The following MICAL3 variants were observed in gnomAD, a reference collection of about 807,000 sequenced individuals.
MICAL3 encodes the protein microtubule associated monooxygenase, calponin and LIM domain containing 3.
MICAL3 carries 62 observed loss-of-function variants against 207.4 expected under a neutral mutation model. The ratio of observed to expected loss-of-function variants is 0.30; its 90% CI spans 0.24 to 0.37. The LOEUF (loss-of-function observed/expected upper bound fraction) is 0.37. Ranked by LOEUF, MICAL3 falls within the 10% of genes least tolerant of loss-of-function variation. The pLI is 1.00. For synonymous variants in MICAL3, 1,077 were observed against 1,069.3 expected, an observed-to-expected ratio of 1.01 and a Z score of -0.14; for missense variants, 2,368 against 2,635.6, an observed-to-expected ratio of 0.90 and a Z score of 2.22.
chr22:17,806,630 G>A (rs746543640), intron 29 of MICAL3, among the ~76,000 whole-genome samples: 1 of 152,178 alleles, frequency 6.6e-6, no homozygotes, highest in African/African-American at 2.4e-5. Flanking sequence ...GCTGGATGCC[G>A]GGGCTTGGTC....
At chr22:17,907,445 G>C (rs1931819926) in intron 1 of MICAL3, among the ~76,000 whole-genome samples, 1 of 152,204 alleles carries the variant, frequency 6.6e-6, no homozygotes, top group African/African-American at 2.4e-5. Flanking sequence ...AGCACTCCTT[G>C]GTGCCAGTGG....
rs141442675 is a variant in MICAL3 at position 17,951,356 on chromosome 22, G to A, written c.-74-44470C>T. The stretch of plus-strand genomic sequence containing the variant: ...TTACAAAATGCAAACTATGACCCAA[G>A]CTCCATCTACCTTACTATTGTCGGT... On this transcript the variant is annotated intron_variant, in intron 1 of 31. Transcript: ENST00000441493. Among the ~76,000 whole-genome samples, 707 of 152,070 alleles carry A rather than the reference G, an allele frequency of 4.6e-3. 5 individuals are homozygous for A. Among genetic ancestry groups the A allele is most frequent in the African/African-American group, 0.016 (661 of 41,462 alleles).
chr22:17,842,337 C>T (rs929150957), intron 19 of MICAL3: 36 of 294,526 alleles, frequency 1.2e-4, no homozygotes, highest in Middle Eastern at 1.0e-3. Context: ...TGGGCCAGAC[C>T]GCAGGCAGCC....
chr22:17,798,864 G>A (rs390109), intron 29 of MICAL3, among the ~76,000 whole-genome samples: 81,381 of 150,138 alleles, frequency 0.54, 23,317 homozygotes, highest in Non-Finnish European at 0.64. Context: ...TAGTAGAGAT[G>A]GGGTTTCACC....
chr22:17,972,076 C>T (rs1241420023), intron 1 of MICAL3, among the ~76,000 whole-genome samples: 4 of 152,214 alleles, frequency 2.6e-5, no homozygotes, highest in Non-Finnish European at 4.4e-5. Context: ...GCCCAGTGCG[C>T]TCCTCAAGGC....
At chr22:17,887,022 TAAAAAAAAGAAAAG>T (rs1929976484) in intron 15 of MICAL3, 134 bp downstream of exon 15, 10 of 149,786 alleles carry the variant, frequency 6.7e-5, no homozygotes, top group African/African-American at 3.3e-4. Context: ...AAAAAGAAAA[TAAAAAAAAGAAAAG>T]AAAAAGCCCA....
In MICAL3 at chr22:17,865,853, G is replaced by A. The variant is rs184091750; in HGVS notation, c.2517+71C>T. On this transcript the variant is annotated intron_variant, in intron 18 of 31. Transcript: ENST00000441493. ...ACGCAGGGGCATTTGCAGGTTGGCC[G>A]CCCCCGGCCCATAGCCACACTGCTG... 9.1e-5 allele frequency: 122 copies of A among 1,336,524 alleles called. No individual in the cohort carries two copies. The African/African-American group carries it at 1.3e-3, about 14-fold the overall frequency. 82.8% of individuals were successfully genotyped at this position (1,336,524 alleles called of 1,614,324 possible).
intron 16 of MICAL3, among the ~76,000 whole-genome samples, chr22:17,874,266 G>A (rs1337243909): frequency 6.6e-6 from 1 of 152,146 alleles, no homozygotes. Context: ...GTGGCTCTCA[G>A]ATCTAAACCT....
Position 17,817,615 on chromosome 22 carries a change from TG to T in MICAL3, c.5045del (p.Pro1682GlnfsTer48). The T allele has an allele frequency of 6.2e-7, 1 of 1,613,150 alleles. No homozygotes were observed. The highest frequency in any genetic ancestry group is 8.5e-7 in the Non-Finnish European group (1 of 1,179,818). ...CCTCGGATGAAGTGAAAGAGCCATC[TG>T]GGCCCCCTGAGTCCGACGGCGGGGA... ...VLSPPSDSGG[P>X]DGSFTSSEGS... On this transcript the variant is annotated frameshift_variant, in exon 26 of 32. Coordinates refer to ENST00000441493, the MANE Select transcript of MICAL3 (RefSeq NM_015241.3). LOFTEE classifies it high-confidence loss of function.
chr22:17,880,774 C>T (rs1734300698), intron 16 of MICAL3, among the ~76,000 whole-genome samples: 1 of 152,186 alleles, frequency 6.6e-6, no homozygotes, highest in Non-Finnish European at 1.5e-5. Flanking sequence ...AGAGGCAGAG[C>T]TCCCAGAATC....
intron 16 of MICAL3, among the ~76,000 whole-genome samples, chr22:17,874,862 G>A (rs1928117960): frequency 6.6e-6 from 1 of 151,496 alleles, no homozygotes; most frequent in Non-Finnish European, 1.5e-5. Context: ...CACCATACGC[G>A]TGCATATGCT....
Position 17,914,156 on chromosome 22 carries a change from T to C in MICAL3, c.-74-7270A>G, listed in dbSNP as rs1448232234. On this transcript the variant is annotated intron_variant, in intron 1 of 31. Coordinates refer to ENST00000441493, the MANE Select transcript of MICAL3 (RefSeq NM_015241.3). ...CTAAATAAAAACGGAACAACAGGGT[T>C]CAGATGGTTTTGTTTTTTGAAGGAA... Among the ~76,000 whole-genome samples the C allele has an allele frequency of 3.9e-5, 6 of 152,294 alleles. No individual in the cohort carries two copies. The East Asian group carries it at 1.2e-3, about 29-fold the overall frequency.
intron 19 of MICAL3, among the ~76,000 whole-genome samples, chr22:17,847,642 CT>C (rs1462918287): frequency 6.6e-6 from 1 of 152,130 alleles, no homozygotes; most frequent in African/African-American, 2.4e-5. Context: ...CCGGCGTCAC[CT>C]TCCCGCAAGA....
intron 19 of MICAL3, among the ~76,000 whole-genome samples, chr22:17,857,903 G>C (rs112940936): frequency 8.3e-4 from 127 of 152,364 alleles, no homozygotes; most frequent in African/African-American, 3.0e-3. Flanking sequence ...GTTGGGCTTA[G>C]CTAGCCTGAG....
chr22:17,850,693 T>C (rs371937906), intron 19 of MICAL3, among the ~76,000 whole-genome samples: 8 of 152,286 alleles, frequency 5.3e-5, no homozygotes, highest in Admixed American at 2.6e-4. Flanking sequence ...ATTACAGGTA[T>C]GAGCCACCGT....
Position 17,970,952 on chromosome 22 carries a change from T to C in MICAL3, c.-75+53329A>G, listed in dbSNP as rs148780884. 7.1e-3 allele frequency among the ~76,000 whole-genome samples: 1,086 copies of C among 152,182 alleles called. 8 individuals carry two copies. Among genetic ancestry groups the C allele is most frequent in the Non-Finnish European group, 0.011 (778 of 68,004 alleles). On this transcript the variant is annotated intron_variant, in intron 1 of 31. Transcript: ENST00000441493. Reference sequence around the variant, plus strand: ...ATCCCAGCATTTTGGGAGGTCGAAGTGGGCAGATTGCTTGAGCTCAGGAGT... The same window carrying C: ...ATCCCAGCATTTTGGGAGGTCGAAGCGGGCAGATTGCTTGAGCTCAGGAGT...
intron 1 of MICAL3, among the ~76,000 whole-genome samples, chr22:17,982,404 C>T (rs111747811): frequency 5.3e-5 from 8 of 152,336 alleles, no homozygotes; most frequent in South Asian, 4.1e-4. Context: ...TGGCCAGGCA[C>T]GGTGGCTCAT....
At chr22:17,949,747 T>C (rs1934242542) in intron 1 of MICAL3, among the ~76,000 whole-genome samples, 1 of 152,090 alleles carries the variant, frequency 6.6e-6, no homozygotes, top group Non-Finnish European at 1.5e-5. Flanking sequence ...AAAAGACGGA[T>C]CTGTAAAGCA....
intron 1 of MICAL3, among the ~76,000 whole-genome samples, chr22:18,003,675 C>T (rs79637342): frequency 0.11 from 16,204 of 152,256 alleles, 1,006 homozygotes; most frequent in Middle Eastern, 0.17. Context: ...TCAGCTCCAT[C>T]TTCTTTAGTT....
Sources: allele counts gnomAD v4.1 joint callset (sites outside exome capture counted in the v4.1 genomes callset), GRCh38; gene constraint gnomAD v4.1.1; transcripts MANE v1.5; gene names NCBI Gene and HGNC (gene_info 2026-07-23, HGNC 2026-07-21).